PRELID2: variants seen among roughly 807,000 people sequenced by gnomAD.
The protein encoded by PRELID2 is PRELI domain-containing protein 2.
Under a neutral mutation model 28.4 loss-of-function variants are expected in PRELID2, and 25 were observed. The ratio of observed to expected loss-of-function variants is 0.88; its 90% confidence interval spans 0.64 to 1.23. The LOEUF (loss-of-function observed/expected upper bound fraction) is 1.23. Among genes scored for constraint, PRELID2 ranks in the 50% most tolerant of loss-of-function variants. The probability of loss-of-function intolerance (pLI) is 0.00; values close to 1 mark genes in which losing one functional copy is unlikely to be tolerated. For synonymous variants in PRELID2, 76 were observed against 71.6 expected (o/e 1.06, Z -0.31); for missense variants, 201 against 214.4 (o/e 0.94, Z 0.39).
intron 1 of PRELID2, among the ~76,000 whole-genome samples, chr5:145,612,201 A>C (rs1235195094): frequency 6.6e-6 from 1 of 151,616 alleles, no homozygotes; most frequent in Non-Finnish European, 1.5e-5. Flanking sequence ...AAAAATAAAC[A>C]AAGATAAAAC....
the PRELID2 span, among the ~76,000 whole-genome samples, chr5:145,392,050 G>C: frequency 6.6e-6 from 1 of 151,970 alleles, no homozygotes; most frequent in Non-Finnish European, 1.5e-5. Flanking sequence ...CCTTCAAACT[G>C]TTCCGACCTC....
At chr5:145,256,980 T>C in the PRELID2 span, among the ~76,000 whole-genome samples, 1 of 151,922 alleles carries the variant, frequency 6.6e-6, no homozygotes, top group African/African-American at 2.4e-5. Context: ...ACATGAAGTG[T>C]TTTTAAAAAG....
chr5:145,635,861 A>G (rs1474616666), intron 1 of PRELID2, among the ~76,000 whole-genome samples: 2 of 152,242 alleles, frequency 1.3e-5, no homozygotes, highest in African/African-American at 4.8e-5. Flanking sequence ...GGTGATACCC[A>G]TAAGCTGGAC....
At chr5:145,232,890 G>A in the PRELID2 span, among the ~76,000 whole-genome samples, 1 of 151,698 alleles carries the variant, frequency 6.6e-6, no homozygotes, top group South Asian at 2.1e-4. Flanking sequence ...CTATCACATA[G>A]TAGGCACTCA....
At chr5:145,411,361 G>A in the PRELID2 span, among the ~76,000 whole-genome samples, 3 of 152,106 alleles carry the variant, frequency 2.0e-5, no homozygotes, top group Non-Finnish European at 4.4e-5. Context: ...CTCCCACTGG[G>A]CACCTCCCAC....
the PRELID2 span, among the ~76,000 whole-genome samples, chr5:145,452,677 T>G: frequency 1.3e-5 from 2 of 152,140 alleles, no homozygotes; most frequent in Non-Finnish European, 1.5e-5. Flanking sequence ...CGGTGCTATT[T>G]CCAGATTCTA....
chr5:145,337,603 A>G, the PRELID2 span, among the ~76,000 whole-genome samples: 143 of 151,128 alleles, frequency 9.5e-4, 1 homozygote, highest in African/African-American at 3.4e-3. Flanking sequence ...CATAGAACTC[A>G]GGTAAACACA....
intron 1 of PRELID2, among the ~76,000 whole-genome samples, chr5:145,568,526 T>A (rs1752988132): frequency 1.3e-5 from 2 of 152,358 alleles, no homozygotes; most frequent in East Asian, 3.8e-4. Context: ...TATATTATGA[T>A]AATGGTTTTA....
At chr5:145,672,168 C>A (rs549765934) in intron 1 of PRELID2, among the ~76,000 whole-genome samples, 2 of 152,198 alleles carry the variant, frequency 1.3e-5, no homozygotes, top group East Asian at 3.9e-4. Context: ...GTTCTGCTCC[C>A]AACTTTCTCT....
At chr5:145,597,376 G>A (rs1753324715) in intron 1 of PRELID2, among the ~76,000 whole-genome samples, 2 of 152,038 alleles carry the variant, frequency 1.3e-5, no homozygotes, top group Non-Finnish European at 2.9e-5. Context: ...TAACAGATCT[G>A]GAAATTTTGC....
At chr5:145,391,353 G>A in the PRELID2 span, among the ~76,000 whole-genome samples, 1 of 152,204 alleles carries the variant, frequency 6.6e-6, no homozygotes, top group African/African-American at 2.4e-5. Flanking sequence ...CTTGGGGTTT[G>A]CACCCTCTGA....
chr5:145,825,276 A>G (rs1755117812), intron 1 of PRELID2, among the ~76,000 whole-genome samples: 1 of 138,600 alleles, frequency 7.2e-6, no homozygotes, highest in African/African-American at 2.6e-5. Context: ...AACTACAGTG[A>G]TTGCTTTCTT....
rs528733221 is a variant in PRELID2, at chr5:145,507,673, C to T, written n.71-34358G>A. Reference sequence around the variant, plus strand: ...GCAAGTGCTGAGGGACTTTTGGTGGCCTTTTTCACTGGCTTTTGTTTCCAC... The same window carrying T: ...GCAAGTGCTGAGGGACTTTTGGTGGTCTTTTTCACTGGCTTTTGTTTCCAC... On this transcript the variant is annotated intron_variant and non_coding_transcript_variant, in intron 1 of 2. Coordinates refer to the PRELID2 transcript ENST00000510259. 4.6e-5 allele frequency among the ~76,000 whole-genome samples: 7 copies of T among 152,210 alleles called. No homozygotes were observed. The South Asian group carries it at 1.5e-3, about 32-fold the overall frequency.
the PRELID2 span, among the ~76,000 whole-genome samples, chr5:145,389,530 T>G: frequency 6.6e-6 from 1 of 152,208 alleles, no homozygotes; most frequent in African/African-American, 2.4e-5. Flanking sequence ...CTATTCTGGC[T>G]GCTTTGCATT....
intron 1 of PRELID2, among the ~76,000 whole-genome samples, chr5:145,737,434 A>G (rs1441632638): frequency 6.6e-6 from 1 of 152,130 alleles, no homozygotes; most frequent in Non-Finnish European, 1.5e-5. Context: ...TTTAAAAAAA[A>G]AACAAAAACA....
chr5:145,382,019 G>T, the PRELID2 span, among the ~76,000 whole-genome samples: 18 of 150,852 alleles, frequency 1.2e-4, no homozygotes, highest in African/African-American at 4.4e-4. Context: ...TAAAGTGGGG[G>T]GTAGTCATAA....
intron 5 of PRELID2, among the ~76,000 whole-genome samples, chr5:145,790,518 A>T (rs1303706082): frequency 6.6e-6 from 1 of 151,990 alleles, no homozygotes; most frequent in African/African-American, 2.4e-5. Flanking sequence ...AAAGGCAAAA[A>T]GTTTCGGTTA....
At chr5:145,416,606 C>A in the PRELID2 span, among the ~76,000 whole-genome samples, 1 of 151,996 alleles carries the variant, frequency 6.6e-6, no homozygotes, top group Non-Finnish European at 1.5e-5. Flanking sequence ...CTAATGAGAA[C>A]AAAGAGACAA....
At chr5:145,616,847 T>C (rs1753704933) in intron 1 of PRELID2, among the ~76,000 whole-genome samples, 1 of 152,176 alleles carries the variant, frequency 6.6e-6, no homozygotes, top group Non-Finnish European at 1.5e-5. Context: ...GGTGGGAATT[T>C]CCTCATCCTA....
Sources: allele counts gnomAD v4.1 joint callset (sites outside exome capture counted in the v4.1 genomes callset), GRCh38; gene constraint gnomAD v4.1.1; transcripts MANE v1.5; gene names NCBI Gene and HGNC (gene_info 2026-07-23, HGNC 2026-07-21).